CDH23: variants seen among roughly 807,000 people sequenced by gnomAD.
CDH23 encodes cadherin-23.
Under a neutral mutation model 317.1 loss-of-function variants are expected in CDH23, and 189 were observed. The observed-to-expected ratio is 0.60, with a 90% CI of 0.53 to 0.67. The LOEUF is 0.67. Ranked by LOEUF, CDH23 falls within the 30% of genes least tolerant of loss-of-function variation. CDH23 has a pLI of 0.00. For synonymous variants in CDH23, 1,839 were observed against 1,876.8 expected (o/e 0.98, Z 0.52); for missense variants, 4,401 against 4,592.4 (o/e 0.96, Z 1.20).
At chr10:71,792,449 A>C (rs920803741) in intron 47 of CDH23, among the ~76,000 whole-genome samples, 3 of 152,210 alleles carry the variant, frequency 2.0e-5, no homozygotes, top group African/African-American at 4.8e-5. Context: ...AAAAATATTA[A>C]ATTTCTATGC....
At chr10:71,422,448 GA>G (rs1848860891) in intron 1 of CDH23, among the ~76,000 whole-genome samples, 1 of 152,210 alleles carries the variant, frequency 6.6e-6, no homozygotes, top group Non-Finnish European at 1.5e-5. Context: ...TGATATTTAT[GA>G]AGTTCTATAG....
chr10:71,615,667 C>T (rs940275086), intron 10 of CDH23, 51 bp downstream of exon 10: 7 of 1,309,664 alleles, frequency 5.3e-6, no homozygotes, highest in South Asian at 1.2e-5. Flanking sequence ...TGCCCCTACT[C>T]GGATGCCAAC....
chr10:71,734,716 G>C (rs955140698), intron 34 of CDH23, 58 bp downstream of exon 34: 53 of 1,167,114 alleles, frequency 4.5e-5, no homozygotes, highest in Non-Finnish European at 6.1e-5. Context: ...AGTGCTGGCC[G>C]GGCTCTGCCT....
intron 9 of CDH23, among the ~76,000 whole-genome samples, chr10:71,599,174 C>T (rs1447525665): frequency 1.3e-5 from 2 of 152,214 alleles, no homozygotes; most frequent in Admixed American, 1.3e-4. Context: ...CATTTGTTGA[C>T]ATTTTGCCAT....
In CDH23 at chr10:71,709,399, G is replaced by A. The variant is rs78573670; in HGVS notation, c.3220+188G>A. 9.3e-3 allele frequency among the ~76,000 whole-genome samples: 1,410 copies of A among 152,368 alleles called. 32 individuals carry two copies. The highest frequency in any genetic ancestry group is 0.033 in the African/African-American group (1,359 of 41,586). On this transcript the variant is annotated intron_variant, in intron 27 of 69. Coordinates refer to ENST00000224721, the MANE Select transcript of CDH23 (RefSeq NM_022124.6). The stretch of plus-strand genomic sequence containing the variant: ...TGAGGCTCACTGCATGGTGCCACAT[G>A]CAAGACACTAGGATGGTAAGGTGGG...
At chr10:71,661,725 GC>G (rs1446664583) in intron 14 of CDH23, among the ~76,000 whole-genome samples, 1 of 89,478 alleles carries the variant, frequency 1.1e-5, no homozygotes, top group African/African-American at 4.9e-5. Context: ...CACCCTGCGC[GC>G]CCTCCCACCC....
intron 62 of CDH23, among the ~76,000 whole-genome samples, chr10:71,811,102 A>T (rs79701384): frequency 6.6e-6 from 1 of 150,796 alleles, no homozygotes; most frequent in Admixed American, 6.6e-5. Flanking sequence ...AAAAAAAAAA[A>T]AGGGAGTATT....
At chr10:71,704,263 A>C (rs927210122) in intron 24 of CDH23, among the ~76,000 whole-genome samples, 1 of 152,176 alleles carries the variant, frequency 6.6e-6, no homozygotes, top group African/African-American at 2.4e-5. Context: ...AATGCCTTGA[A>C]TCCACTTCAG....
At chr10:71,682,678 C>T in intron 18 of CDH23, 106 bp downstream of exon 18, 1 of 1,421,524 alleles carries the variant, frequency 7.0e-7, no homozygotes, top group Non-Finnish European at 9.6e-7. Context: ...CTTGGCTGTC[C>T]CTGCACCTTG....
chr10:71,688,049 G>A (rs1305575911), intron 19 of CDH23, among the ~76,000 whole-genome samples: 1 of 152,232 alleles, frequency 6.6e-6, no homozygotes, highest in Admixed American at 6.5e-5. Flanking sequence ...GTATACAGAG[G>A]GCTCTGAGAC....
chr10:71,732,731 G>C (rs925084921), intron 32 of CDH23: 11 of 1,160,870 alleles, frequency 9.5e-6, no homozygotes, highest in Non-Finnish European at 1.1e-5. Context: ...ATGCAGGCTG[G>C]TATCCTTCTG....
chr10:71,776,581 G>A (rs1218383490), intron 38 of CDH23, among the ~76,000 whole-genome samples: 1 of 152,210 alleles, frequency 6.6e-6, no homozygotes, highest in African/African-American at 2.4e-5. Flanking sequence ...TACAGGGACT[G>A]TTTAGGAAGG....
chr10:71,599,153 C>T (rs1860052327), intron 9 of CDH23, among the ~76,000 whole-genome samples: 1 of 152,178 alleles, frequency 6.6e-6, no homozygotes, highest in Non-Finnish European at 1.5e-5. Context: ...ATGTATTCAC[C>T]ACCCTGATAA....
chr10:71,463,777 TG>T (rs1406862831), intron 3 of CDH23, among the ~76,000 whole-genome samples: 3 of 152,256 alleles, frequency 2.0e-5, no homozygotes, highest in Non-Finnish European at 4.4e-5. Context: ...ATTTGTCGGC[TG>T]AGTTTCTCAT....
Position 71,446,374 on chromosome 10 carries a change from A to T in CDH23, c.124A>T (p.Ile42Phe). The T allele has an allele frequency of 5.6e-6, 9 of 1,613,990 alleles. No individual in the cohort carries two copies. The highest frequency in any genetic ancestry group is 7.6e-6 in the Non-Finnish European group (9 of 1,179,888). ...CCACTTCTTTGATACATACCTGCTG[A>T]TCAGCGAGGACACGCCTGTGGGTGA... ...TNHFFDTYLLISEDTPVGSSV... is the reference protein window; with the variant it reads ...TNHFFDTYLLFSEDTPVGSSV... The change falls in exon 3 of 70, where the codon ATC becomes TTC. Residue 42 changes from isoleucine (I) to phenylalanine (F), a missense_variant. Ile to Phe is a conservative substitution (Grantham distance 21). Around this residue, in one of 3 missense-constraint regions of CDH23, gnomAD observed 3,068 missense variants for 3,203.3 expected, o/e 0.96. Transcript: ENST00000224721.
intron 38 of CDH23, among the ~76,000 whole-genome samples, chr10:71,756,084 C>T (rs1455116654): frequency 6.6e-6 from 1 of 152,122 alleles, no homozygotes; most frequent in Non-Finnish European, 1.5e-5. Flanking sequence ...AGGAGAAACA[C>T]CCGGGGTGAG....
intron 6 of CDH23, among the ~76,000 whole-genome samples, chr10:71,536,004 G>A (rs1484214624): frequency 2.6e-5 from 4 of 152,186 alleles, no homozygotes; most frequent in African/African-American, 7.2e-5. Flanking sequence ...TCCAGGCCTC[G>A]GGGCTGGTTG....
chr10:71,795,751 C>T (rs1841383761), intron 48 of CDH23: 1 of 982,874 alleles, frequency 1.0e-6, no homozygotes, highest in South Asian at 4.7e-5. Flanking sequence ...CACCATCCTC[C>T]CTGCCCTGCT....
chr10:71,700,469 T>C (rs957959013), intron 22 of CDH23, among the ~76,000 whole-genome samples: 11 of 152,272 alleles, frequency 7.2e-5, no homozygotes, highest in Non-Finnish European at 1.2e-4. Context: ...TATGTCCATC[T>C]GTGAAACGAC....
Sources: allele counts gnomAD v4.1 joint callset (sites outside exome capture counted in the v4.1 genomes callset), GRCh38; gene constraint gnomAD v4.1.1; regional missense constraint gnomAD v4.1.1; transcripts MANE v1.5; gene names NCBI Gene and HGNC (gene_info 2026-07-23, HGNC 2026-07-21).